GLIS1: variants seen among roughly 807,000 people sequenced by gnomAD.
The protein encoded by GLIS1 is GLIS family zinc finger 1.
A neutral mutation model predicts 63.8 loss-of-function variants in GLIS1; 24 were observed. That is an observed-to-expected ratio of 0.38 (90% CI 0.27 to 0.53). GLIS1 has a LOEUF of 0.53. Ranked by LOEUF, GLIS1 falls within the 20% of genes least tolerant of loss-of-function variation. GLIS1 has a pLI of 0.85. For missense variants in GLIS1, 1,036 were observed against 1,074.1 expected, an observed-to-expected ratio of 0.96 and a Z score of 0.50; for synonymous variants, 450 against 482.5, an observed-to-expected ratio of 0.93 and a Z score of 0.88.
intron 2 of GLIS1, among the ~76,000 whole-genome samples, chr1:53,604,313 C>T (rs1359981775): frequency 6.6e-6 from 1 of 152,178 alleles, no homozygotes; most frequent in Non-Finnish European, 1.5e-5. Flanking sequence ...GATGGCGTAG[C>T]CTAAACGAGG....
chr1:53,537,995 A>C (rs904603029), intron 4 of GLIS1, among the ~76,000 whole-genome samples: 1 of 152,210 alleles, frequency 6.6e-6, no homozygotes, highest in Non-Finnish European at 1.5e-5. Flanking sequence ...ATGTCAAATA[A>C]TCCTGCGTTT....
intron 4 of GLIS1, among the ~76,000 whole-genome samples, chr1:53,530,559 C>G (rs1366000620): frequency 6.6e-6 from 1 of 152,212 alleles, no homozygotes; most frequent in Non-Finnish European, 1.5e-5. Flanking sequence ...CGTTTGTAAA[C>G]TGAAGGGCCC....
At chr1:53,570,261 C>T (rs1365161660) in intron 4 of GLIS1, among the ~76,000 whole-genome samples, 4 of 150,448 alleles carry the variant, frequency 2.7e-5, no homozygotes, top group Admixed American at 1.3e-4. Flanking sequence ...GGACTACAGG[C>T]GAGCACCATT....
chr1:53,594,436 A>G lies in GLIS1; in HGVS notation c.992T>C (p.Leu331Pro), dbSNP rs139516969. ...KQEPADEFSE[L>P]FGPHQQGLPP... ...CAGGCCCTGCTGGTGAGGCCCAAAG[A>G]GCTCTGAAAACTCATCCGCGGGTTC... is the stretch of plus-strand genomic sequence containing the variant. Residue 331 changes from leucine to proline, a missense_variant, in exon 4 of 11, where the codon CTC (leucine) becomes CCC (proline). This residue lies in a region of GLIS1 where 592 missense variants were observed against 593.9 expected (regional missense o/e 1.00). Transcript: ENST00000628545. 7,878 of 1,612,858 alleles carry G rather than the reference A, an allele frequency of 4.9e-3. 51 individuals are homozygous for G. Among genetic ancestry groups the G allele is most frequent in the Middle Eastern group, 0.022 (136 of 6,052 alleles).
intron 3 of GLIS1, among the ~76,000 whole-genome samples, chr1:53,597,742 G>C (rs1214367294): frequency 6.6e-6 from 1 of 152,126 alleles, no homozygotes; most frequent in Non-Finnish European, 1.5e-5. Flanking sequence ...AAATGAGCGA[G>C]TCTGAAAGTG....
At chr1:53,698,295 G>A (rs943697150) in intron 2 of GLIS1, among the ~76,000 whole-genome samples, 1 of 152,134 alleles carries the variant, frequency 6.6e-6, no homozygotes, top group African/African-American at 2.4e-5. Flanking sequence ...AGGAGTTCCA[G>A]GCAGTGATTT....
intron 4 of GLIS1, among the ~76,000 whole-genome samples, chr1:53,562,008 G>A (rs1203542421): frequency 6.6e-6 from 1 of 152,168 alleles, no homozygotes; most frequent in South Asian, 2.1e-4. Flanking sequence ...AGCGCAGCTC[G>A]GTTTCAACGT....
At chr1:53,690,743 G>C (rs954662790) in intron 2 of GLIS1, among the ~76,000 whole-genome samples, 1 of 152,200 alleles carries the variant, frequency 6.6e-6, no homozygotes, top group Non-Finnish European at 1.5e-5. Flanking sequence ...AAGGAGGAAA[G>C]GGCATTCCGG....
At chr1:53,677,008 T>C (rs546587329) in intron 2 of GLIS1, among the ~76,000 whole-genome samples, 2 of 152,326 alleles carry the variant, frequency 1.3e-5, no homozygotes, top group Non-Finnish European at 2.9e-5. Flanking sequence ...TCTCTGGGAC[T>C]GCATGACGTG....
intron 4 of GLIS1, among the ~76,000 whole-genome samples, chr1:53,571,640 G>A (rs1311095702): frequency 6.6e-6 from 1 of 151,876 alleles, no homozygotes; most frequent in Non-Finnish European, 1.5e-5. Flanking sequence ...GCAGTGGCAC[G>A]ATCTGGGCTC....
intron 2 of GLIS1, among the ~76,000 whole-genome samples, chr1:53,632,218 G>A (rs978046123): frequency 4.0e-5 from 6 of 148,808 alleles, no homozygotes; most frequent in Non-Finnish European, 7.4e-5. Flanking sequence ...ACTGAAGGGC[G>A]TGTGACTGAG....
chr1:53,674,753 T>C (rs1188098071), intron 2 of GLIS1, among the ~76,000 whole-genome samples: 2 of 152,198 alleles, frequency 1.3e-5, no homozygotes, highest in African/African-American at 4.8e-5. Flanking sequence ...CAGAGGCCCC[T>C]GGGATTGAGC....
intron 8 of GLIS1, 52 bp downstream of exon 8, chr1:53,514,573 C>G (rs1334358378): frequency 3.2e-6 from 5 of 1,581,228 alleles, no homozygotes; most frequent in South Asian, 1.1e-5. Context: ...CCTGCCTCCC[C>G]CCGAGATCCC....
Position 53,548,135 on chromosome 1 carries a change from G to A in GLIS1, c.1321-18183C>T, listed in dbSNP as rs370905047. Among the ~76,000 whole-genome samples, 498 of 152,300 alleles carry A rather than the reference G, an allele frequency of 3.3e-3. 4 individuals carry two copies. The highest frequency in any genetic ancestry group is 4.8e-3 in the Non-Finnish European group (326 of 68,028). The stretch of plus-strand genomic sequence containing the variant: ...GCTGAATGTCTCCCCTCCAGCTGCC[G>A]CACTCCATGGGACTTGGGGGCCAAA... On this transcript the variant is annotated intron_variant, in intron 4 of 10. Coordinates refer to ENST00000628545, the MANE Select transcript of GLIS1 (RefSeq NM_001367484.1).
intron 4 of GLIS1, among the ~76,000 whole-genome samples, chr1:53,556,538 G>GC (rs1644830421): frequency 5.3e-5 from 5 of 93,846 alleles, no homozygotes; most frequent in East Asian, 8.5e-4. Flanking sequence ...GTGTACTGCA[G>GC]GTGTGTGTGT....
At chr1:53,565,283 G>T (rs946570159) in intron 4 of GLIS1, among the ~76,000 whole-genome samples, 2 of 151,804 alleles carry the variant, frequency 1.3e-5, no homozygotes, top group Non-Finnish European at 2.9e-5. Context: ...GTTTATGCTA[G>T]AAAAAAAGGC....
chr1:53,727,563 A>G (rs550235394), intron 2 of GLIS1, among the ~76,000 whole-genome samples: 3 of 152,260 alleles, frequency 2.0e-5, no homozygotes, highest in African/African-American at 4.8e-5. Flanking sequence ...GAGGATAAAC[A>G]TGTGACAAAA....
At chr1:53,518,147 C>G (rs570495034) in intron 7 of GLIS1, among the ~76,000 whole-genome samples, 6 of 152,362 alleles carry the variant, frequency 3.9e-5, no homozygotes, top group African/African-American at 1.2e-4. Context: ...GGACCCCGGG[C>G]TTCACCTGCC....
intron 2 of GLIS1, among the ~76,000 whole-genome samples, chr1:53,648,197 A>G (rs183144254): frequency 8.6e-4 from 131 of 152,310 alleles, no homozygotes; most frequent in African/African-American, 3.0e-3. Context: ...AATTAAAAAA[A>G]AGACTTGAAT....
Sources: allele counts gnomAD v4.1 joint callset (sites outside exome capture counted in the v4.1 genomes callset), GRCh38; gene constraint gnomAD v4.1.1; regional missense constraint gnomAD v4.1.1; transcripts MANE v1.5; gene names NCBI Gene and HGNC (gene_info 2026-07-23, HGNC 2026-07-21).